Variants in SSBP3 observed in about 807,000 individuals in gnomAD.
The protein encoded by SSBP3 is single stranded DNA binding protein 3, also known as single-stranded DNA-binding protein 3.
SSBP3 carries 5 observed loss-of-function variants against 69.6 expected under a neutral mutation model. The ratio of observed to expected loss-of-function variants is 0.07; its 90% CI spans 0.04 to 0.15. The LOEUF (loss-of-function observed/expected upper bound fraction) is 0.15. SSBP3 is among the 10% of genes least tolerant of loss of function. The probability of loss-of-function intolerance (pLI) is 1.00; values close to 1 mark genes in which losing one functional copy is unlikely to be tolerated. For synonymous variants in SSBP3, 196 were observed against 193.4 expected (o/e 1.01, Z -0.11); for missense variants, 312 against 534.0 (o/e 0.58, Z 4.10).
At chr1:54,337,332 T>C (rs1407884109) in intron 4 of SSBP3, among the ~76,000 whole-genome samples, 1 of 152,032 alleles carries the variant, frequency 6.6e-6, no homozygotes, top group Non-Finnish European at 1.5e-5. Context: ...GGTTTAACCC[T>C]TGCTTTGCAA....
chr1:54,268,975 T>A (rs547950584), intron 5 of SSBP3, among the ~76,000 whole-genome samples: 1 of 152,202 alleles, frequency 6.6e-6, no homozygotes, highest in Non-Finnish European at 1.5e-5. Flanking sequence ...TCACCCTACC[T>A]GCCTCACAGA....
chr1:54,378,719 G>C (rs897317887), intron 4 of SSBP3, among the ~76,000 whole-genome samples: 8 of 152,318 alleles, frequency 5.3e-5, no homozygotes, highest in African/African-American at 1.9e-4. Flanking sequence ...TGAGGCCCGG[G>C]GCTGAGTTAA....
chr1:54,315,220 C>A (rs1001840472), intron 4 of SSBP3, among the ~76,000 whole-genome samples: 3 of 152,146 alleles, frequency 2.0e-5, no homozygotes, highest in Non-Finnish European at 4.4e-5. Context: ...GCTCTCTGGG[C>A]CACATAACTC....
chr1:54,235,896 G>C (rs936352311), intron 14 of SSBP3, among the ~76,000 whole-genome samples: 1 of 152,286 alleles, frequency 6.6e-6, no homozygotes, highest in African/African-American at 2.4e-5. Flanking sequence ...TGAAGAAATT[G>C]ATAAAGTCCT....
At chr1:54,242,185 G>A in exon 11 of SSBP3, 2 of 1,613,638 alleles carry the variant, frequency 1.2e-6, no homozygotes, top group Non-Finnish European at 1.7e-6. Context: ...TGTTAGGATT[G>A]GGCCAGGGTC....
chr1:54,296,824 A>G (rs1380603806), intron 4 of SSBP3, among the ~76,000 whole-genome samples: 1 of 152,134 alleles, frequency 6.6e-6, no homozygotes. Context: ...CCAGCTGGGT[A>G]TCACTCTCCG....
intron 4 of SSBP3, among the ~76,000 whole-genome samples, chr1:54,300,828 A>G (rs185992372): frequency 6.6e-6 from 1 of 152,140 alleles, no homozygotes; most frequent in Admixed American, 6.5e-5. Context: ...AATGGACCCC[A>G]TTTTTTTTAT....
chr1:54,348,810 G>A (rs955589910), intron 4 of SSBP3, among the ~76,000 whole-genome samples: 1 of 152,242 alleles, frequency 6.6e-6, no homozygotes, highest in East Asian at 1.9e-4. Context: ...GGCCTTGGAA[G>A]TGAGTTCACA....
Position 54,248,965 on chromosome 1 carries a change from C to A in SSBP3, c.651+2651G>T, listed in dbSNP as rs532704543. Among the ~76,000 whole-genome samples the A allele has an allele frequency of 2.0e-5, 3 of 152,296 alleles. No individual in the cohort carries two copies. The South Asian group carries it at 6.2e-4, about 32-fold the overall frequency. Reference sequence around the variant, plus strand: ...AAAGACGGGTGAGCCTCTCTCCCTCCCGCTGGAGACACTCCTAGGGTCTAA... The same window carrying A: ...AAAGACGGGTGAGCCTCTCTCCCTCACGCTGGAGACACTCCTAGGGTCTAA... On this transcript the variant is annotated intron_variant, in intron 9 of 17. Transcript: ENST00000610401.
intron 5 of SSBP3, among the ~76,000 whole-genome samples, chr1:54,260,521 C>T (rs1191257156): frequency 6.6e-6 from 1 of 152,258 alleles, no homozygotes; most frequent in Non-Finnish European, 1.5e-5. Context: ...AGGACCAGTG[C>T]TCCAACCGGG....
chr1:54,372,919 CT>C (rs901044432), intron 4 of SSBP3, among the ~76,000 whole-genome samples: 1 of 152,236 alleles, frequency 6.6e-6, no homozygotes, highest in African/African-American at 2.4e-5. Flanking sequence ...TAGTCCTCCT[CT>C]TTTTCTACAA....
At chr1:54,412,793 C>T (rs1043919864) in intron 1 of SSBP3, 7 of 152,174 alleles carry the variant, frequency 4.6e-5, no homozygotes. Context: ...CAGCTCACTG[C>T]AGCCTCTGTC....
chr1:54,330,218 A>C (rs1035527721), intron 4 of SSBP3, among the ~76,000 whole-genome samples: 3 of 152,088 alleles, frequency 2.0e-5, no homozygotes, highest in Middle Eastern at 3.2e-3. Context: ...AAAAAAACGC[A>C]AACATCAATC....
chr1:54,240,816 G>A, intron 13 of SSBP3, 89 bp downstream of exon 13: 1 of 1,547,058 alleles, frequency 6.5e-7, no homozygotes, highest in Non-Finnish European at 8.9e-7. Context: ...GTAAGCTCTG[G>A]CTCTGCAACA....
chr1:54,264,572 C>T (rs1375863958), intron 5 of SSBP3, among the ~76,000 whole-genome samples: 2 of 152,192 alleles, frequency 1.3e-5, no homozygotes, highest in Non-Finnish European at 2.9e-5. Flanking sequence ...AGGCACTGGT[C>T]CCAAAACCCA....
At chr1:54,396,527 G>A (rs1035306532) in intron 4 of SSBP3, among the ~76,000 whole-genome samples, 9 of 152,048 alleles carry the variant, frequency 5.9e-5, no homozygotes, top group Non-Finnish European at 1.0e-4. Flanking sequence ...TACAGAGGCA[G>A]GGAAGTCATG....
chr1:54,332,948 G>A (rs964092971), intron 4 of SSBP3, among the ~76,000 whole-genome samples: 1 of 151,950 alleles, frequency 6.6e-6, no homozygotes. Flanking sequence ...ACACACACGC[G>A]TGCGCCTCCT....
intron 5 of SSBP3, among the ~76,000 whole-genome samples, chr1:54,277,308 C>G (rs79284814): frequency 0.011 from 1,634 of 152,172 alleles, 30 homozygotes; most frequent in African/African-American, 0.038. Flanking sequence ...TCAAGCAGAG[C>G]TGGCATTTGA....
intron 4 of SSBP3, among the ~76,000 whole-genome samples, chr1:54,397,844 A>C (rs931198612): frequency 6.6e-6 from 1 of 152,152 alleles, no homozygotes; most frequent in Admixed American, 6.5e-5. Context: ...TTCCCTGCCA[A>C]AAGTTAAGAG....
Sources: gnomAD v4.1 joint callset for allele counts (sites outside exome capture counted in the v4.1 genomes callset) on GRCh38, gnomAD v4.1.1 for gene constraint, MANE v1.5 for transcripts, NCBI Gene and HGNC (gene_info 2026-07-23, HGNC 2026-07-21) for gene names.